The following ITFG1 variants were observed in gnomAD, a reference collection of about 807,000 sequenced individuals.
The protein encoded by ITFG1 is T-cell immunomodulatory protein.
ITFG1 carries 34 observed loss-of-function variants against 81.8 expected under a neutral mutation model. The observed-to-expected ratio is 0.42, with a 90% CI of 0.32 to 0.55. The LOEUF is 0.55. Ranked by LOEUF, ITFG1 falls within the 20% of genes least tolerant of loss-of-function variation. The pLI, the probability that ITFG1 is intolerant of heterozygous loss-of-function variation, is 0.17. For missense variants in ITFG1, 672 were observed against 755.4 expected, an observed-to-expected ratio of 0.89 and a Z score of 1.29; for synonymous variants, 285 against 270.6, an observed-to-expected ratio of 1.05 and a Z score of -0.52.
At chr16:47,308,733 C>G (rs9925043) in intron 10 of ITFG1, among the ~76,000 whole-genome samples, 2 of 152,194 alleles carry the variant, frequency 1.3e-5, no homozygotes, top group African/African-American at 4.8e-5. Flanking sequence ...TTGGGATGTT[C>G]TCATGGCTGA....
At chr16:47,184,432 G>A (rs965051324) in intron 14 of ITFG1, among the ~76,000 whole-genome samples, 10 of 152,208 alleles carry the variant, frequency 6.6e-5, no homozygotes, top group East Asian at 3.9e-4. Flanking sequence ...CAGATCTCTC[G>A]GCAGAAACGC....
intron 5 of ITFG1, among the ~76,000 whole-genome samples, chr16:47,432,593 CAGACT>C (rs1475293875): frequency 2.0e-5 from 3 of 152,152 alleles, no homozygotes; most frequent in African/African-American, 7.2e-5. Context: ...AGTATTCATA[CAGACT>C]AATTTCATTA....
chr16:47,162,408 TC>T, intron 15 of ITFG1, 131 bp downstream of exon 15: 1 of 790,616 alleles, frequency 1.3e-6, no homozygotes, highest in Non-Finnish European at 1.9e-6. Context: ...TTTTCTTTAT[TC>T]TTTAAAGGGA....
At chr16:47,224,079 G>T in intron 13 of ITFG1, among the ~76,000 whole-genome samples, 2 of 114,910 alleles carry the variant, frequency 1.7e-5, no homozygotes, top group Admixed American at 1.0e-4. Context: ...GTGGGGGGAG[G>T]GGAGGGATAG....
intron 14 of ITFG1, among the ~76,000 whole-genome samples, chr16:47,216,809 C>A (rs962841449): frequency 2.6e-5 from 4 of 151,852 alleles, no homozygotes. Flanking sequence ...TTACAGGCGA[C>A]CGCCACCACG....
chr16:47,157,017 TG>T (rs1964721589), intron 17 of ITFG1, among the ~76,000 whole-genome samples: 1 of 152,154 alleles, frequency 6.6e-6, no homozygotes, highest in African/African-American at 2.4e-5. Flanking sequence ...CCAAGTAGGA[TG>T]TAAGAAGGGG....
chr16:47,191,195 G>A (rs1228748005), intron 14 of ITFG1, among the ~76,000 whole-genome samples: 1 of 152,080 alleles, frequency 6.6e-6, no homozygotes, highest in Non-Finnish European at 1.5e-5. Flanking sequence ...TCACTTTTCA[G>A]TTTGGGGAGT....
intron 14 of ITFG1, among the ~76,000 whole-genome samples, chr16:47,197,476 T>C (rs1965372064): frequency 6.6e-6 from 1 of 152,014 alleles, no homozygotes; most frequent in Non-Finnish European, 1.5e-5. Flanking sequence ...TCAATGTATA[T>C]CTTACATGTA....
Position 47,461,050 on chromosome 16 carries a change from G to T in ITFG1, c.-5C>A. On this transcript the variant is annotated 5_prime_UTR_variant, in exon 1 of 18. The change creates a new upstream start codon in the 5' untranslated region. Coordinates refer to ENST00000320640, the MANE Select transcript of ITFG1 (RefSeq NM_030790.5). Reference sequence around the variant, plus strand: ...GAGCCGGCCCGCCGCCGCCATGGCAGCCCCTCAGCCCCCGCCCGCCGGCCC... The same window carrying T: ...GAGCCGGCCCGCCGCCGCCATGGCATCCCCTCAGCCCCCGCCCGCCGGCCC... The T allele has an allele frequency of 6.5e-7, 1 of 1,531,754 alleles. No homozygotes were observed. The allele number at this position is 1,531,754 out of a possible 1,614,324, so 94.9% of individuals were successfully genotyped here. A position where few individuals can be genotyped will look rare whatever the true frequency, so the allele number is the denominator to read the frequency against.
intron 6 of ITFG1, among the ~76,000 whole-genome samples, chr16:47,421,310 ATAT>A (rs1472836634): frequency 6.7e-6 from 1 of 150,094 alleles, no homozygotes; most frequent in Admixed American, 6.6e-5. Flanking sequence ...ACACACATAC[ATAT>A]TTTTTTTTTC....
chr16:47,289,786 T>A (rs773424605), intron 10 of ITFG1, among the ~76,000 whole-genome samples: 1 of 152,162 alleles, frequency 6.6e-6, no homozygotes, highest in Non-Finnish European at 1.5e-5. Flanking sequence ...GTTAATCTTT[T>A]CAAAAATCAA....
At chr16:47,214,961 C>T (rs1047154261) in intron 14 of ITFG1, among the ~76,000 whole-genome samples, 6 of 150,242 alleles carry the variant, frequency 4.0e-5, no homozygotes, top group South Asian at 2.1e-4. Context: ...CACACACACA[C>T]GCACGCACAA....
At chr16:47,214,754 G>C (rs1240344032) in intron 14 of ITFG1, among the ~76,000 whole-genome samples, 1 of 152,020 alleles carries the variant, frequency 6.6e-6, no homozygotes, top group Non-Finnish European at 1.5e-5. Flanking sequence ...CAGAGTAATG[G>C]GTAAGAATGA....
intron 5 of ITFG1, among the ~76,000 whole-genome samples, chr16:47,430,755 A>C (rs1969085401): frequency 6.6e-6 from 1 of 152,264 alleles, no homozygotes; most frequent in African/African-American, 2.4e-5. Flanking sequence ...TCTGGAAAAC[A>C]GTTTGGCAGT....
intron 8 of ITFG1, among the ~76,000 whole-genome samples, chr16:47,323,987 T>C (rs1967490176): frequency 6.6e-6 from 1 of 152,218 alleles, no homozygotes; most frequent in Admixed American, 6.5e-5. Context: ...GCTATGAAAT[T>C]ATAATCATTT....
intron 10 of ITFG1, among the ~76,000 whole-genome samples, chr16:47,289,510 A>T (rs1270986138): frequency 6.6e-6 from 1 of 152,086 alleles, no homozygotes; most frequent in African/African-American, 2.4e-5. Context: ...CATTTTATTC[A>T]GGATTAAATC....
intron 10 of ITFG1, among the ~76,000 whole-genome samples, chr16:47,264,855 T>C (rs925128971): frequency 2.0e-5 from 3 of 152,162 alleles, no homozygotes; most frequent in African/African-American, 7.2e-5. Flanking sequence ...GAGTATTACA[T>C]TTATGTTTAT....
At chr16:47,405,963 T>A (rs1968723313) in intron 6 of ITFG1, among the ~76,000 whole-genome samples, 1 of 152,154 alleles carries the variant, frequency 6.6e-6, no homozygotes, top group African/African-American at 2.4e-5. Flanking sequence ...CTCTCAGAAG[T>A]GTTTAGTCCA....
At chr16:47,201,270 G>A (rs1043475918) in intron 14 of ITFG1, among the ~76,000 whole-genome samples, 22 of 148,998 alleles carry the variant, frequency 1.5e-4, no homozygotes, top group Admixed American at 2.7e-4. Context: ...GTGCAGTGGT[G>A]AGATCTTGGC....
Sources: allele counts gnomAD v4.1 joint callset (sites outside exome capture counted in the v4.1 genomes callset), GRCh38; gene constraint gnomAD v4.1.1; transcripts MANE v1.5; gene names NCBI Gene and HGNC (gene_info 2026-07-23, HGNC 2026-07-21).